The following LRIG1 variants were observed in gnomAD, a reference collection of about 807,000 sequenced individuals.
LRIG1 encodes leucine rich repeats and immunoglobulin like domains 1.
In LRIG1, 48 loss-of-function variants were observed where a neutral mutation model predicts 99.2. That is an observed-to-expected ratio of 0.48 (90% confidence interval 0.38 to 0.62). The LOEUF is 0.62. Ranked by LOEUF, LRIG1 falls within the 20% of genes least tolerant of loss-of-function variation. The pLI is 0.00. For missense variants in LRIG1, 1,646 were observed against 1,434.4 expected (o/e 1.15, Z -2.38); for synonymous variants, 772 against 596.1 (o/e 1.29, Z -4.30).
At chr3:66,488,561 A>C (rs1701028530) in intron 1 of LRIG1, among the ~76,000 whole-genome samples, 1 of 152,032 alleles carries the variant, frequency 6.6e-6, no homozygotes. Context: ...CACTTGAGCC[A>C]GGAAGGCAGA....
intron 15 of LRIG1, among the ~76,000 whole-genome samples, 193 bp downstream of exon 15, chr3:66,382,789 T>G (rs535574328): frequency 4.1e-5 from 6 of 147,410 alleles, no homozygotes; most frequent in Non-Finnish European, 9.0e-5. Context: ...GTATTCCTGT[T>G]TAAGGTTAAA....
intron 15 of LRIG1, 29 bp from the exon 16 acceptor site, chr3:66,382,427 CA>C: frequency 6.2e-7 from 1 of 1,613,868 alleles, no homozygotes; most frequent in East Asian, 2.2e-5. Flanking sequence ...AATAGAACAC[CA>C]GGGTCTCAGT....
intron 3 of LRIG1, among the ~76,000 whole-genome samples, chr3:66,441,595 G>A (rs889843303): frequency 9.2e-5 from 14 of 152,158 alleles, no homozygotes; most frequent in African/African-American, 2.9e-4. Context: ...TAAAGCAAGG[G>A]CATTACAGAG....
chr3:66,445,032 A>T (rs891610748), intron 3 of LRIG1, among the ~76,000 whole-genome samples: 5 of 151,678 alleles, frequency 3.3e-5, no homozygotes, highest in African/African-American at 9.7e-5. Context: ...CCCCTTTAGC[A>T]TCTGGGAACC....
chr3:66,456,336 C>G (rs866523840), intron 2 of LRIG1, among the ~76,000 whole-genome samples: 6 of 152,148 alleles, frequency 3.9e-5, no homozygotes, highest in Non-Finnish European at 7.3e-5. Context: ...TATTCCAGCC[C>G]TTTGGGAGGC....
chr3:66,477,044 C>T (rs1700737773), intron 1 of LRIG1, among the ~76,000 whole-genome samples: 1 of 152,110 alleles, frequency 6.6e-6, no homozygotes, highest in Admixed American at 6.5e-5. Flanking sequence ...AGAACTGAGC[C>T]CAAAATGGTA....
chr3:66,486,426 A>G (rs1044139891), intron 1 of LRIG1, among the ~76,000 whole-genome samples: 1 of 152,098 alleles, frequency 6.6e-6, no homozygotes, highest in Non-Finnish European at 1.5e-5. Context: ...GCCCCTCATA[A>G]CCAGATGCCT....
intron 13 of LRIG1, 43 bp from the exon 14 acceptor site, chr3:66,384,315 G>GA: frequency 1.3e-6 from 2 of 1,577,594 alleles, no homozygotes; most frequent in Non-Finnish European, 1.7e-6. Flanking sequence ...GGGACAGCTA[G>GA]ATGCAAAACC....
intron 7 of LRIG1, among the ~76,000 whole-genome samples, chr3:66,407,813 T>G (rs1269437906): frequency 6.6e-6 from 1 of 152,202 alleles, no homozygotes; most frequent in Non-Finnish European, 1.5e-5. Context: ...TCCAGCGCCT[T>G]CATGCTGTCC....
chr3:66,433,293 G>A (rs999994911), intron 3 of LRIG1, among the ~76,000 whole-genome samples: 2 of 152,224 alleles, frequency 1.3e-5, no homozygotes, highest in African/African-American at 4.8e-5. Context: ...AGGCTGTGCC[G>A]CTCTCTGGAG....
At chr3:66,402,001 A>G (rs1702076113) in intron 9 of LRIG1, among the ~76,000 whole-genome samples, 5 of 151,992 alleles carry the variant, frequency 3.3e-5, no homozygotes, top group Non-Finnish European at 1.5e-5. Flanking sequence ...CCACACACAC[A>G]ATGAGTTCCA....
intron 8 of LRIG1, chr3:66,405,915 TC>T: frequency 9.9e-7 from 1 of 1,007,474 alleles, no homozygotes; most frequent in South Asian, 3.9e-5. Flanking sequence ...ACAATGCAAA[TC>T]CCATGGCCGA....
At position 66,383,001 on chromosome 3, in the gene LRIG1, C is replaced by G; in HGVS notation, c.2472G>C (p.Glu824Asp). The G allele has an allele frequency of 6.2e-7, 1 of 1,613,050 alleles. No homozygotes were observed. Among genetic ancestry groups the G allele is most frequent in the Non-Finnish European group, 8.5e-7 (1 of 1,179,366 alleles). The change falls in exon 15 of 19, where the codon GAG becomes GAC. Residue 824 changes from glutamate to aspartate, a missense_variant. Transcript: ENST00000273261. ...CCTGACCTGTGTTGGTGACACTGTA[C>G]TCTTCACTCTTCTTCCTGGTCTGGT... The part of the protein sequence containing the change: ...IIYQTRKKSE[E>D]YSVTNTDETV...
chr3:66,382,287 T>G lies in LRIG1; in HGVS notation c.2603A>C (p.His868Pro). 6.2e-7 allele frequency: 1 copy of G among 1,614,184 alleles called. No homozygotes were observed. Among genetic ancestry groups the G allele is most frequent in the African/African-American group, 1.3e-5 (1 of 75,058 alleles). The change falls in exon 16 of 19, where the codon CAC becomes CCC. Residue 868 changes from histidine to proline, a missense_variant. His to Pro is a moderately conservative substitution (Grantham distance 77, BLOSUM62 -2). Coordinates refer to ENST00000273261, the MANE Select transcript of LRIG1 (RefSeq NM_015541.3). The part of the protein sequence containing the change: ...RTEGGPQANG[H>P]IESNGVCPRD... ...TGAGGCCTTACCATTGCTCTCAATG[T>G]GCCCATTGGCCTGAGGGCCACCCTC...
At chr3:66,412,559 C>A (rs568444290) in intron 6 of LRIG1, among the ~76,000 whole-genome samples, 48 of 152,348 alleles carry the variant, frequency 3.2e-4, no homozygotes, top group African/African-American at 1.0e-3. Flanking sequence ...ATGAGTTGGG[C>A]CCAGGTGAAG....
intron 1 of LRIG1, among the ~76,000 whole-genome samples, chr3:66,495,195 A>C (rs1208514837): frequency 6.6e-6 from 1 of 152,228 alleles, no homozygotes; most frequent in Non-Finnish European, 1.5e-5. Context: ...AAAAAATAAC[A>C]GTAACGGTCC....
At chr3:66,395,722 A>T (rs1701823128) in intron 11 of LRIG1, among the ~76,000 whole-genome samples, 2 of 152,142 alleles carry the variant, frequency 1.3e-5, no homozygotes, top group Admixed American at 1.3e-4. Flanking sequence ...ATCCCTGAGG[A>T]AATGGTCAAT....
At chr3:66,382,198 A>G in intron 16 of LRIG1, 75 bp downstream of exon 16, 1 of 1,575,084 alleles carries the variant, frequency 6.3e-7, no homozygotes, top group South Asian at 1.1e-5. Flanking sequence ...TGCCCTGTAA[A>G]GACCTGGAGG....
intron 1 of LRIG1, among the ~76,000 whole-genome samples, chr3:66,481,678 T>C (rs182062330): frequency 1.7e-4 from 26 of 152,360 alleles, no homozygotes; most frequent in African/African-American, 6.3e-4. Flanking sequence ...ATCCTTTCAA[T>C]ACCAAATTAC....
Sources: gnomAD v4.1 joint callset for allele counts (sites outside exome capture counted in the v4.1 genomes callset) on GRCh38, gnomAD v4.1.1 for gene constraint, MANE v1.5 for transcripts, NCBI Gene and HGNC (gene_info 2026-07-23, HGNC 2026-07-21) for gene names.